Variants in TPPP observed in about 807,000 individuals in gnomAD.
The protein encoded by TPPP is tubulin polymerization-promoting protein.
In TPPP, 6 loss-of-function variants were observed where a neutral mutation model predicts 15.5. That is an observed-to-expected ratio of 0.39 (90% confidence interval 0.21 to 0.77). The LOEUF (loss-of-function observed/expected upper bound fraction) is 0.77. Among genes scored for constraint, TPPP ranks in the 30% least tolerant of loss-of-function variants. The pLI, the probability that TPPP is intolerant of heterozygous loss-of-function variation, is 0.42. For missense variants in TPPP, 269 were observed against 307.2 expected, an observed-to-expected ratio of 0.88 and a Z score of 0.93; for synonymous variants, 146 against 133.9, an observed-to-expected ratio of 1.09 and a Z score of -0.63.
At chr5:693,438 C>G (rs1298214413), upstream of TPPP, 2 of 147,560 alleles carry the variant, frequency 1.4e-5, no homozygotes, top group Non-Finnish European at 3.0e-5. Context: ...CGGCCCCCAG[C>G]GTCCGGCGCC....
chr5:683,292 G>C (rs754807644), intron 1 of TPPP, among the ~76,000 whole-genome samples: 1 of 114,846 alleles, frequency 8.7e-6, no homozygotes, highest in Admixed American at 9.4e-5. Context: ...TGCGGAGAAA[G>C]ACACTCTGAT....
At chr5:692,902 G>A (rs1233052717) in intron 1 of TPPP, 31 of 933,504 alleles carry the variant, frequency 3.3e-5, no homozygotes, top group Non-Finnish European at 3.6e-5. Flanking sequence ...ATAGGGAAAC[G>A]GTTCGAGTCC....
intron 2 of TPPP, among the ~76,000 whole-genome samples, chr5:677,047 ACACACGTGCACACAGAAACGCG>A (rs924512009): frequency 3.3e-5 from 5 of 150,470 alleles, no homozygotes; most frequent in South Asian, 4.2e-4. Context: ...GCGGAAACGC[ACACACGTGCACACAGAAACGCG>A]CACACGTGCA....
At position 686,763 on chromosome 5, in the gene TPPP, C is replaced by T. The variant is rs566677326; in HGVS notation, c.-5+6515G>A. On this transcript the variant is annotated intron_variant, in intron 1 of 3. Coordinates refer to ENST00000360578, the MANE Select transcript of TPPP (RefSeq NM_007030.3). The stretch of plus-strand genomic sequence containing the variant: ...AGAAGAAGGTGCTACAGGCTGAATT[C>T]GTCCCCTCCAAAATCCACACTGGAA... Among the ~76,000 whole-genome samples the T allele has an allele frequency of 1.1e-4, 16 of 146,292 alleles. No individual in the cohort carries two copies. The East Asian group carries it at 2.3e-3, about 21-fold the overall frequency.
At chr5:691,844 C>CAACCCCCATCAAAACAGCAGCCCCCTA (rs1740879011) in intron 1 of TPPP, among the ~76,000 whole-genome samples, 1 of 88,678 alleles carries the variant, frequency 1.1e-5, no homozygotes, top group African/African-American at 3.8e-5. Flanking sequence ...CAGCAGCCCT[C>CAACCCCCATCAAAACAGCAGCCCCCTA]AACCCCCATC....
In TPPP at chr5:674,508, G is replaced by A. The variant is rs1051730146; in HGVS notation, c.311+3242C>T. On this transcript the variant is annotated intron_variant, in intron 2 of 3. Coordinates refer to ENST00000360578, the MANE Select transcript of TPPP (RefSeq NM_007030.3). ...CTCCCGGTCCGAGTGCCCGGGACACGTCCCCTTGGCAGAGTGAGTTCTGGG... is the reference window on the plus strand; with the variant it reads ...CTCCCGGTCCGAGTGCCCGGGACACATCCCCTTGGCAGAGTGAGTTCTGGG... Among the ~76,000 whole-genome samples the A allele has an allele frequency of 4.6e-5, 7 of 152,200 alleles. No individual in the cohort carries two copies. The South Asian group carries it at 6.2e-4, about 14-fold the overall frequency.
upstream of TPPP, among the ~76,000 whole-genome samples, chr5:694,178 G>A (rs1206537099): frequency 2.0e-5 from 3 of 151,380 alleles, no homozygotes; most frequent in African/African-American, 4.8e-5. Flanking sequence ...CAGGCTTTGC[G>A]GAGGGGGCTC....
rs1739855925 is a variant in TPPP, at chr5:665,431, C to T, written c.466-135G>A. Reference sequence around the variant, plus strand: ...GGGGCATAAACCCTGGGATTTATGCCCCTTTTAATTCTTATTTTTACCTCT... The same window carrying T: ...GGGGCATAAACCCTGGGATTTATGCTCCTTTTAATTCTTATTTTTACCTCT... On this transcript the variant is annotated intron_variant, in intron 3 of 3. Coordinates refer to ENST00000360578, the MANE Select transcript of TPPP (RefSeq NM_007030.3). 5 of 796,374 alleles carry T rather than the reference C, an allele frequency of 6.3e-6. No homozygotes were observed. In the South Asian group the frequency reaches 9.1e-5, roughly 15 times the overall value. The allele number at this position is 796,374 out of a possible 1,614,324, so 49.3% of individuals were successfully genotyped here. A position where few individuals can be genotyped will look rare whatever the true frequency, so the allele number is the denominator to read the frequency against.
At chr5:673,372 G>A (rs2126888248) in intron 2 of TPPP, among the ~76,000 whole-genome samples, 1 of 152,280 alleles carries the variant, frequency 6.6e-6, no homozygotes, top group East Asian at 1.9e-4. Flanking sequence ...GCTGCAGGAG[G>A]GAAGGACAGT....
chr5:668,136 C>T (rs1354415106), intron 2 of TPPP, among the ~76,000 whole-genome samples: 1 of 126,154 alleles, frequency 7.9e-6, no homozygotes, highest in Non-Finnish European at 1.6e-5. Context: ...GAGGGGTCCG[C>T]GTGGGCCCCG....
At chr5:677,652 A>G in intron 2 of TPPP, 98 bp downstream of exon 2, 2 of 1,179,360 alleles carry the variant, frequency 1.7e-6, no homozygotes, top group East Asian at 5.2e-5. Flanking sequence ...AACCCCCTCC[A>G]CTCCCCATGG....
intron 2 of TPPP, among the ~76,000 whole-genome samples, chr5:674,151 G>C (rs1447691857): frequency 6.6e-6 from 1 of 152,180 alleles, no homozygotes; most frequent in African/African-American, 2.4e-5. Context: ...TCACCCACAA[G>C]CACCATCTCC....
At position 674,946 on chromosome 5, in the gene TPPP, AG is replaced by A. The variant is rs1019705639; in HGVS notation, c.311+2803del. Among the ~76,000 whole-genome samples the A allele has an allele frequency of 6.9e-5, 10 of 145,764 alleles. 1 individual carries two copies. The highest frequency in any genetic ancestry group is 3.5e-4 in the Admixed American group (5 of 14,436). ...GCCAGTTGCTTCAGCCACAGTCCTG[AG>A]GGAGGTGCAGCCCTGAGAGTCAGTC... On this transcript the variant is annotated intron_variant, in intron 2 of 3. Transcript: ENST00000360578.
intron 1 of TPPP, among the ~76,000 whole-genome samples, chr5:686,051 C>T (rs374729255): frequency 7.3e-4 from 111 of 152,300 alleles, no homozygotes; most frequent in African/African-American, 1.9e-3. Flanking sequence ...GAGACTGATA[C>T]GGGTCTGAGA....
intron 2 of TPPP, among the ~76,000 whole-genome samples, chr5:675,532 C>CA (rs1740400488): frequency 2.0e-5 from 1 of 51,116 alleles, no homozygotes; most frequent in South Asian, 7.4e-4. Context: ...GCAGTGTGGC[C>CA]GGGGATGCCG....
At position 665,194 on chromosome 5, in the gene TPPP, C is replaced by T; in HGVS notation, c.568G>A (p.Ala190Thr). ...TCGTCCACCAGATCCACGCGGCCAG[C>T]CTTGCCCTTGCCCTTGCCAGAGGGG... ...FDPSGKGKGK[A>T]GRVDLVDESG... The change falls in exon 4 of 4, where the codon GCT (alanine) becomes ACT (threonine). Residue 190 changes from alanine to threonine, a missense_variant. Physicochemically the swap from Ala to Thr is moderately conservative, Grantham distance 58 (BLOSUM62 0). Transcript: ENST00000360578. 4 of 1,611,278 alleles carry T rather than the reference C, an allele frequency of 2.5e-6. No individual in the cohort carries two copies. In the East Asian group the frequency reaches 6.7e-5, roughly 27 times the overall value.
Position 667,681 on chromosome 5 carries a change from G to C in TPPP, c.312-1558C>G, listed in dbSNP as rs544312622. 1.3e-5 allele frequency among the ~76,000 whole-genome samples: 2 copies of C among 152,148 alleles called. 1 individual carries two copies. The highest frequency in any genetic ancestry group is 4.8e-5 in the African/African-American group (2 of 41,402). On this transcript the variant is annotated intron_variant, in intron 2 of 3. Coordinates refer to ENST00000360578, the MANE Select transcript of TPPP (RefSeq NM_007030.3). ...GGACTTGTCTCTGAGATACACAAAG[G>C]AACCTTAAAACTCAGCAGTAAGAAA...
chr5:677,753 A>G lies in TPPP; in HGVS notation c.308T>C (p.Ile103Thr). Residue 103 changes from isoleucine to threonine, a missense_variant, in exon 2 of 4, where the codon ATC becomes ACC. Physicochemically the swap from Ile to Thr is moderately conservative, Grantham distance 89 (BLOSUM62 -1). Transcript: ENST00000360578. ...CCCGTGAGCCCAGCGCACTCACTTG[A>G]TCTTGCTGAAGACGATGTCCACGTC... is the stretch of plus-strand genomic sequence containing the variant. ...VTDVDIVFSK[I>T]KGKSCRTITF... The G allele has an allele frequency of 1.3e-6, 2 of 1,561,156 alleles. No homozygotes were observed. The highest frequency in any genetic ancestry group is 1.7e-6 in the Non-Finnish European group (2 of 1,151,284).
rs1414256346 is a variant in TPPP at position 678,043 on chromosome 5, C to T, written c.18G>A (p.Lys6=). 6.3e-7 allele frequency: 1 copy of T among 1,576,940 alleles called. No individual in the cohort carries two copies. Among genetic ancestry groups the T allele is most frequent in the East Asian group, 2.3e-5 (1 of 43,970 alleles). Reference sequence around the variant, plus strand: ...GCGTCCTGTTGGCAGCTTTGGCAGGCTTGGCCTTGTCAGCCATGTTGCTAT... The same window carrying T: ...GCGTCCTGTTGGCAGCTTTGGCAGGTTTGGCCTTGTCAGCCATGTTGCTAT... MADKA[K]PAKAANRTPP... is the part of the protein sequence containing the mutation. The change falls in exon 2 of 4, where the codon AAG becomes AAA. Residue 6 remains lysine, a synonymous_variant. Transcript: ENST00000360578.
Sources: gnomAD v4.1 joint callset for allele counts (sites outside exome capture counted in the v4.1 genomes callset) on GRCh38, gnomAD v4.1.1 for gene constraint, MANE v1.5 for transcripts, NCBI Gene and HGNC (gene_info 2026-07-23, HGNC 2026-07-21) for gene names.